The following OSBPL10 variants were observed in gnomAD, a reference collection of about 807,000 sequenced individuals.
The protein encoded by OSBPL10 is oxysterol-binding protein-related protein 10.
OSBPL10 carries 49 observed loss-of-function variants against 81.7 expected under a neutral mutation model. That is an observed-to-expected ratio of 0.60 (90% CI 0.48 to 0.76). OSBPL10 has a LOEUF of 0.76. OSBPL10 is among the 30% of genes least tolerant of loss of function. The pLI is 0.00. For synonymous variants in OSBPL10, 419 were observed against 383.6 expected, an observed-to-expected ratio of 1.09 and a Z score of -1.08; for missense variants, 923 against 987.8, an observed-to-expected ratio of 0.93 and a Z score of 0.88.
chr3:31,878,153 A>T (rs2125635016), intron 2 of OSBPL10, among the ~76,000 whole-genome samples: 1 of 152,312 alleles, frequency 6.6e-6, no homozygotes, highest in Middle Eastern at 3.4e-3. Flanking sequence ...TTGCTATTAA[A>T]ATTGCCCTCT....
At chr3:31,842,314 A>G (rs1356734178) in intron 3 of OSBPL10, among the ~76,000 whole-genome samples, 1 of 152,210 alleles carries the variant, frequency 6.6e-6, no homozygotes, top group East Asian at 1.9e-4. Flanking sequence ...AGAACCCTGG[A>G]GTATCCCTAA....
At chr3:31,911,282 G>A (rs1265169408) in intron 1 of OSBPL10, among the ~76,000 whole-genome samples, 2 of 152,156 alleles carry the variant, frequency 1.3e-5, no homozygotes, top group African/African-American at 4.8e-5. Flanking sequence ...CCACAGACCA[G>A]AGTAAACAAA....
chr3:31,820,458 C>T (rs1432504474), intron 4 of OSBPL10, among the ~76,000 whole-genome samples: 2 of 151,638 alleles, frequency 1.3e-5, no homozygotes, highest in Admixed American at 6.6e-5. Context: ...AGCCGGGTGC[C>T]GTGACGCATG....
At chr3:31,844,811 C>T (rs796442425) in intron 3 of OSBPL10, among the ~76,000 whole-genome samples, 3 of 152,314 alleles carry the variant, frequency 2.0e-5, no homozygotes, top group African/African-American at 4.8e-5. Context: ...CAGTGGCTCA[C>T]GCCTATAATC....
At chr3:31,887,888 G>A (rs927380719) in intron 1 of OSBPL10, among the ~76,000 whole-genome samples, 1 of 152,066 alleles carries the variant, frequency 6.6e-6, no homozygotes. Flanking sequence ...TCAGCTACTT[G>A]TCTGTGACCA....
intron 2 of OSBPL10, among the ~76,000 whole-genome samples, chr3:32,016,672 TTAGAA>T (rs1428903524): frequency 1.3e-5 from 2 of 152,202 alleles, no homozygotes; most frequent in South Asian, 4.1e-4. Flanking sequence ...CTTTTGGTAA[TTAGAA>T]TAGGTTGTCA....
At chr3:31,966,488 T>C (rs1698407997) in intron 1 of OSBPL10, among the ~76,000 whole-genome samples, 1 of 151,602 alleles carries the variant, frequency 6.6e-6, no homozygotes. Flanking sequence ...AGATCATAAA[T>C]GAAACAAAAA....
At chr3:31,817,659 C>T (rs1699874797) in intron 4 of OSBPL10, among the ~76,000 whole-genome samples, 2 of 152,074 alleles carry the variant, frequency 1.3e-5, no homozygotes, top group South Asian at 2.1e-4. Context: ...GCTGTGGCCC[C>T]GCCAAGGAGG....
intron 1 of OSBPL10, among the ~76,000 whole-genome samples, chr3:31,951,480 G>T (rs1344302270): frequency 1.3e-5 from 2 of 152,006 alleles, no homozygotes; most frequent in Admixed American, 1.3e-4. Flanking sequence ...AAAGGATTGA[G>T]TTGAAGAAGA....
chr3:31,913,228 GT>G (rs531903509), intron 1 of OSBPL10, among the ~76,000 whole-genome samples: 303 of 140,156 alleles, frequency 2.2e-3, no homozygotes, highest in African/African-American at 5.7e-3. Context: ...GAAGTACTAG[GT>G]TTTTTTTTTT....
chr3:31,702,873 C>T (rs1695942883), intron 6 of OSBPL10, among the ~76,000 whole-genome samples: 1 of 152,198 alleles, frequency 6.6e-6, no homozygotes, highest in South Asian at 2.1e-4. Context: ...TTAACTTGCA[C>T]AATCCAGGCC....
At chr3:31,963,653 C>A (rs534494020) in intron 1 of OSBPL10, among the ~76,000 whole-genome samples, 156 of 152,264 alleles carry the variant, frequency 1.0e-3, no homozygotes, top group African/African-American at 3.7e-3. Context: ...GAAGAAAATT[C>A]TCATTAAAAT....
At chr3:31,737,107 A>G (rs1250129790) in intron 5 of OSBPL10, among the ~76,000 whole-genome samples, 1 of 152,186 alleles carries the variant, frequency 6.6e-6, no homozygotes, top group South Asian at 2.1e-4. Context: ...AGACCAGGAC[A>G]GGACAAGGAA....
chr3:31,747,605 TGTTA>T (rs946740445), intron 5 of OSBPL10, among the ~76,000 whole-genome samples: 53 of 152,130 alleles, frequency 3.5e-4, no homozygotes, highest in African/African-American at 1.1e-3. Context: ...TATGTAAATA[TGTTA>T]GTTACATTTT....
chr3:31,814,154 C>T (rs1263070799), intron 4 of OSBPL10, among the ~76,000 whole-genome samples: 1 of 152,214 alleles, frequency 6.6e-6, no homozygotes, highest in Non-Finnish European at 1.5e-5. Context: ...ACTACCGCTA[C>T]TTTCTTCAGC....
intron 5 of OSBPL10, 109 bp from the exon 6 acceptor site, chr3:31,733,520 G>C: frequency 1.5e-6 from 2 of 1,350,662 alleles, no homozygotes; most frequent in South Asian, 2.4e-5. Context: ...AAGGGCATGA[G>C]GTAAAACACA....
intron 2 of OSBPL10, among the ~76,000 whole-genome samples, chr3:32,036,157 CT>C (rs1699516776): frequency 6.6e-6 from 1 of 152,236 alleles, no homozygotes; most frequent in Admixed American, 6.5e-5. Context: ...AAGCAATCCT[CT>C]TGCCTTCGCC....
rs543736144 is a variant in OSBPL10 at position 31,989,728 on chromosome 3, C to T, written n.298+56763G>A. The T allele has an allele frequency of 3.9e-5, 63 of 1,614,086 alleles. No individual in the cohort carries two copies. In the African/African-American group the frequency reaches 8.0e-4, roughly 20 times the overall value. On this transcript the variant is annotated intron_variant and non_coding_transcript_variant, in intron 2 of 3. Coordinates refer to the OSBPL10 transcript ENST00000479173. Reference sequence around the variant, plus strand: ...AAATAATTTCTTCCATTCATCATTACTCACACTAAAACAGGAAGTACACAT... The same window carrying T: ...AAATAATTTCTTCCATTCATCATTATTCACACTAAAACAGGAAGTACACAT...
intron 8 of OSBPL10, among the ~76,000 whole-genome samples, chr3:31,679,967 C>T (rs763448642): frequency 4.6e-5 from 7 of 152,118 alleles, no homozygotes; most frequent in Non-Finnish European, 7.3e-5. Context: ...GTATTCTAAC[C>T]GGAGCTCTTA....
Sources: allele counts gnomAD v4.1 joint callset (sites outside exome capture counted in the v4.1 genomes callset), GRCh38; gene constraint gnomAD v4.1.1; transcripts MANE v1.5; gene names NCBI Gene and HGNC (gene_info 2026-07-23, HGNC 2026-07-21).